Variants in NR4A1 observed in about 807,000 individuals in gnomAD.
NR4A1 encodes the protein nuclear receptor subfamily 4 group A member 1, also known as nuclear receptor subfamily 4immunitygroup A member 1.
A neutral mutation model predicts 47.5 loss-of-function variants in NR4A1; 24 were observed. The observed-to-expected ratio is 0.50, with a 90% CI of 0.37 to 0.71. The LOEUF is 0.71. Among genes scored for constraint, NR4A1 ranks in the 30% least tolerant of loss-of-function variants. The pLI, the probability that NR4A1 is intolerant of heterozygous loss-of-function variation, is 0.00. For synonymous variants in NR4A1, 353 were observed against 345.7 expected (o/e 1.02, Z -0.24); for missense variants, 669 against 788.6 (o/e 0.85, Z 1.82).
chr12:52,049,446 G>A (rs1938810344), upstream of NR4A1, among the ~76,000 whole-genome samples: 1 of 152,198 alleles, frequency 6.6e-6, no homozygotes, highest in Admixed American at 6.5e-5. Context: ...TGGTCACTGG[G>A]CGCAGGCAGT....
chr12:52,029,413 G>A (rs1464224921), intron 1 of NR4A1, among the ~76,000 whole-genome samples: 3 of 152,208 alleles, frequency 2.0e-5, no homozygotes, highest in African/African-American at 7.2e-5. Flanking sequence ...GAGACGGCCG[G>A]TGTGGTGGCC....
At chr12:52,055,635 CTG>C in intron 2 of NR4A1, 1 of 412,198 alleles carries the variant, frequency 2.4e-6, no homozygotes, top group African/African-American at 2.0e-5. Context: ...TGGGAACAGG[CTG>C]TGTGTTTGTC....
upstream of NR4A1, among the ~76,000 whole-genome samples, chr12:52,046,742 G>T (rs1002318444): frequency 6.6e-6 from 1 of 152,184 alleles, no homozygotes; most frequent in East Asian, 1.9e-4. Context: ...CCAGCACTTT[G>T]GGAGTCCGAG....
upstream of NR4A1, among the ~76,000 whole-genome samples, chr12:52,047,412 C>T (rs568252582): frequency 1.1e-4 from 17 of 152,376 alleles, no homozygotes; most frequent in South Asian, 2.1e-4. Context: ...TCACCTCTCT[C>T]GCCTTTATCT....
At position 52,058,942 on chromosome 12, in the gene NR4A1, T is replaced by TGACCC. The variant is rs1371606417; in HGVS notation, c.1796_*3dup. The stretch of plus-strand genomic sequence containing the variant: ...GATCTTCATGGACACGCTGCCCTTC[T>TGACCC]GACCCCTGCCTGGGAACACGTGTGC... On this transcript the variant is annotated frameshift_variant and stop_retained_variant, in exon 7 of 7. Coordinates refer to ENST00000394825, the MANE Select transcript of NR4A1 (RefSeq NM_173157.3). LOFTEE classifies it high-confidence loss of function. 6.2e-7 allele frequency: 1 copy of TGACCC among 1,609,310 alleles called. No homozygotes were observed. Among genetic ancestry groups the TGACCC allele is most frequent in the African/African-American group, 1.3e-5 (1 of 74,868 alleles).
chr12:52,036,924 A>G (rs1199682746), intron 1 of NR4A1, among the ~76,000 whole-genome samples: 1 of 152,062 alleles, frequency 6.6e-6, no homozygotes, highest in African/African-American at 2.4e-5. Flanking sequence ...TGTGAGCGAG[A>G]CCTCGGCACC....
intron 1 of NR4A1, chr12:52,052,679 A>C: frequency 2.0e-6 from 2 of 984,690 alleles, no homozygotes; most frequent in Non-Finnish European, 2.4e-6. Flanking sequence ...AAGAACCTGC[A>C]TGAAGGGGGA....
intron 6 of NR4A1, 44 bp from the exon 7 acceptor site, chr12:52,058,644 G>A (rs2061944755): frequency 1.3e-6 from 2 of 1,493,474 alleles, no homozygotes; most frequent in Non-Finnish European, 1.8e-6. Flanking sequence ...GGCTTTGGGG[G>A]CCTGGTTCTC....
chr12:52,052,304 T>TGTGTGTGAGA (rs398019589), intron 1 of NR4A1, among the ~76,000 whole-genome samples: 5 of 70,652 alleles, frequency 7.1e-5, no homozygotes, highest in Non-Finnish European at 1.3e-4. Flanking sequence ...TGTGTGTGTG[T>TGTGTGTGAGA]GAGAGAGAGA....
intron 6 of NR4A1, 173 bp from the exon 7 acceptor site, chr12:52,058,515 C>T (rs1344691002): frequency 4.8e-6 from 4 of 838,182 alleles, no homozygotes; most frequent in Non-Finnish European, 5.4e-6. Context: ...AGGGTTACTG[C>T]TTCTCAGACT....
At chr12:52,026,684 G>A (rs181949897) in intron 1 of NR4A1, among the ~76,000 whole-genome samples, 2 of 152,310 alleles carry the variant, frequency 1.3e-5, no homozygotes, top group Admixed American at 1.3e-4. Flanking sequence ...CACCAAAAGG[G>A]AGATATTGTT....
chr12:52,023,289 C>T (rs1025672613), intron 1 of NR4A1, among the ~76,000 whole-genome samples: 5 of 152,264 alleles, frequency 3.3e-5, no homozygotes, highest in Non-Finnish European at 7.4e-5. Flanking sequence ...GCACCGCCCT[C>T]CCTCTCCACC....
rs1446537653 is a variant in NR4A1 at position 52,055,055 on chromosome 12, T to C, written c.727T>C (p.Ser243Pro). The C allele has an allele frequency of 1.2e-6, 2 of 1,614,078 alleles. No homozygotes were observed. The highest frequency in any genetic ancestry group is 1.3e-5 in the African/African-American group (1 of 74,932). The change falls in exon 2 of 7, where the codon TCG becomes CCG. Residue 243 changes from serine (S) to proline (P), a missense_variant. Transcript: ENST00000394825. Reference protein sequence around the residue: ...LAPTSPHLEGSGILDTPVTST... With the variant: ...LAPTSPHLEGPGILDTPVTST... ...ACCCACTTCTCCACACCTTGAGGGC[T>C]CGGGGATACTGGATACACCCGTGAC...
chr12:52,058,963 T>C lies in NR4A1; in HGVS notation c.*19T>C. The C allele has an allele frequency of 6.2e-7, 1 of 1,601,558 alleles. No homozygotes were observed. Among genetic ancestry groups the C allele is most frequent in the Non-Finnish European group, 8.5e-7 (1 of 1,170,668 alleles). On this transcript the variant is annotated 3_prime_UTR_variant, in exon 7 of 7. Coordinates refer to ENST00000394825, the MANE Select transcript of NR4A1 (RefSeq NM_173157.3). ...CTTCTGACCCCTGCCTGGGAACACG[T>C]GTGCACATGCGCACTCTCATATGCC...
chr12:52,039,272 G>T (rs190651761), intron 1 of NR4A1, among the ~76,000 whole-genome samples: 3 of 152,222 alleles, frequency 2.0e-5, no homozygotes, highest in African/African-American at 7.2e-5. Flanking sequence ...CCACTTCTGG[G>T]TAGGGATATT....
intron 2 of NR4A1, among the ~76,000 whole-genome samples, chr12:52,046,106 AAAGTAGGGC>A (rs1484524760): frequency 1.3e-5 from 2 of 152,202 alleles, no homozygotes; most frequent in African/African-American, 4.8e-5. Context: ...AGTCTCAGTG[AAAGTAGGGC>A]AAGTTCCTGA....
intron 2 of NR4A1, chr12:52,055,634 G>A (rs1018102882): frequency 7.4e-6 from 3 of 407,572 alleles, no homozygotes; most frequent in Admixed American, 4.1e-5. Context: ...TTGGGAACAG[G>A]CTGTGTGTTT....
At chr12:52,028,267 C>G (rs936885011) in intron 1 of NR4A1, among the ~76,000 whole-genome samples, 3 of 147,830 alleles carry the variant, frequency 2.0e-5, no homozygotes, top group Non-Finnish European at 4.5e-5. Context: ...CATGCCAATT[C>G]TGTGCCTTTA....
At chr12:52,044,041 G>C in intron 2 of NR4A1, 1 of 625,420 alleles carries the variant, frequency 1.6e-6, no homozygotes, top group Non-Finnish European at 2.5e-6. Context: ...ACAACTGGAG[G>C]CATGAGTGTG....
Sources: gnomAD v4.1 joint callset for allele counts (sites outside exome capture counted in the v4.1 genomes callset) on GRCh38, gnomAD v4.1.1 for gene constraint, MANE v1.5 for transcripts, NCBI Gene and HGNC (gene_info 2026-07-23, HGNC 2026-07-21) for gene names.